Variants in FAAH2 observed in about 807,000 individuals in gnomAD.
The protein encoded by FAAH2 is fatty acid amide hydrolase 2.
FAAH2 carries 60 observed loss-of-function variants against 36.9 expected under a neutral mutation model. The ratio of observed to expected loss-of-function variants is 1.63; its 90% CI spans 1.32 to 2.02. The LOEUF (loss-of-function observed/expected upper bound fraction) is 2.02, where lower values mean the gene tolerates loss of function less well. FAAH2 is among the 30% of genes most tolerant of loss of function. The pLI, the probability that FAAH2 is intolerant of heterozygous loss-of-function variation, is 0.00. For synonymous variants in FAAH2, 214 were observed against 143.8 expected, an observed-to-expected ratio of 1.49 and a Z score of -3.49; for missense variants, 689 against 397.5, an observed-to-expected ratio of 1.73 and a Z score of -6.23.
chrX:57,162,905 G>A, the FAAH2 span, among the ~76,000 whole-genome samples: 1 of 112,914 alleles, frequency 8.9e-6, no homozygotes, highest in Admixed American at 9.3e-5. Context: ...TGCTGGTAAC[G>A]AACTGCGTTC....
In FAAH2 at chrX:57,489,050, G is replaced by A; in HGVS notation, c.*118G>A. 1.4e-6 allele frequency: 1 copy of A among 724,434 alleles called. No homozygotes were observed. Among genetic ancestry groups the A allele is most frequent in the South Asian group, 4.2e-5 (1 of 24,006 alleles). The allele number at this position is 724,434 out of a possible 1,213,427, so 59.7% of individuals were successfully genotyped here. On this transcript the variant is annotated 3_prime_UTR_variant, in exon 11 of 11. Transcript: ENST00000374900. Reference sequence around the variant, plus strand: ...CAGAGAAACAACTGGGGAATTTATTGACTCATTTAGTTATTCTTTCTACTT... The same window carrying A: ...CAGAGAAACAACTGGGGAATTTATTAACTCATTTAGTTATTCTTTCTACTT...
the FAAH2 span, among the ~76,000 whole-genome samples, chrX:57,234,616 A>G: frequency 2.7e-5 from 3 of 111,777 alleles, no homozygotes; most frequent in African/African-American, 9.8e-5. Flanking sequence ...CAGGCATCCA[A>G]TTCTCATAAG....
chrX:57,428,062 T>C (rs777813594), intron 7 of FAAH2, among the ~76,000 whole-genome samples: 1 of 111,782 alleles, frequency 8.9e-6, no homozygotes, highest in Admixed American at 9.5e-5. Context: ...AGTTTCAGGA[T>C]ACAAAATCTA....
the FAAH2 span, among the ~76,000 whole-genome samples, chrX:57,139,554 C>A: frequency 9.0e-6 from 1 of 111,128 alleles, no homozygotes; most frequent in East Asian, 2.8e-4. Flanking sequence ...CCTGGGTTCA[C>A]GCCATTCTCC....
the FAAH2 span, among the ~76,000 whole-genome samples, chrX:57,277,091 C>G: frequency 1.8e-5 from 2 of 110,209 alleles, no homozygotes; most frequent in Non-Finnish European, 3.8e-5. Flanking sequence ...CAGCATCAGC[C>G]TGATACCAAA....
chrX:57,198,997 T>A, the FAAH2 span, among the ~76,000 whole-genome samples: 1 of 111,428 alleles, frequency 9.0e-6, no homozygotes, highest in Admixed American at 9.5e-5. Context: ...TCAAAGGGTC[T>A]GGGAATTCTT....
the FAAH2 span, among the ~76,000 whole-genome samples, chrX:57,212,666 A>G: frequency 8.9e-6 from 1 of 112,654 alleles, no homozygotes; most frequent in East Asian, 2.8e-4. Flanking sequence ...GCATTTAGAA[A>G]ACGAATTTTT....
the FAAH2 span, among the ~76,000 whole-genome samples, chrX:57,175,899 C>T: frequency 3.6e-5 from 4 of 111,777 alleles, no homozygotes; most frequent in African/African-American, 6.5e-5. Flanking sequence ...AGATAGGACC[C>T]CAATTGGTTC....
chrX:57,324,934 A>G (rs944341455), intron 3 of FAAH2, among the ~76,000 whole-genome samples: 8 of 112,037 alleles, frequency 7.1e-5, no homozygotes, highest in East Asian at 5.6e-4. Context: ...CAAAGGGAAT[A>G]CTTCCAGTTT....
At chrX:57,191,466 G>A in the FAAH2 span, among the ~76,000 whole-genome samples, 5 of 109,076 alleles carry the variant, frequency 4.6e-5, no homozygotes, top group Admixed American at 9.7e-5. Context: ...ATTTTTTTTC[G>A]CTGCTGTGCA....
intron 4 of FAAH2, among the ~76,000 whole-genome samples, chrX:57,340,041 C>A (rs1171976152): frequency 9.0e-6 from 1 of 111,456 alleles, no homozygotes; most frequent in African/African-American, 3.3e-5. Context: ...AGCAAGGAAG[C>A]CAGTCTGTGT....
the FAAH2 span, among the ~76,000 whole-genome samples, chrX:57,277,645 A>G: frequency 8.9e-6 from 1 of 112,093 alleles, no homozygotes; most frequent in South Asian, 3.7e-4. Flanking sequence ...CTGTGCTTGC[A>G]GATGATATGA....
At chrX:57,202,048 A>T in the FAAH2 span, among the ~76,000 whole-genome samples, 1 of 101,642 alleles carries the variant, frequency 9.8e-6, no homozygotes, top group Non-Finnish European at 1.9e-5. Flanking sequence ...TCCCTATATT[A>T]TCCTGAATTT....
chrX:57,299,252 C>A (rs1251210610), intron 2 of FAAH2, among the ~76,000 whole-genome samples: 1 of 111,934 alleles, frequency 8.9e-6, no homozygotes, highest in Non-Finnish European at 1.9e-5. Flanking sequence ...AAAAACTTAT[C>A]CACCATGATC....
rs1464123115 is a variant in FAAH2, at chrX:57,439,995, G to T, written c.1117-6933G>T. On this transcript the variant is annotated intron_variant, in intron 8 of 10. Coordinates refer to ENST00000374900, the MANE Select transcript of FAAH2 (RefSeq NM_174912.4). Reference sequence around the variant, plus strand: ...TTGGTACCAGTACCATGCTGTTTTGGTTACTGTAGCCTTGTAGTATAGTTT... The same window carrying T: ...TTGGTACCAGTACCATGCTGTTTTGTTTACTGTAGCCTTGTAGTATAGTTT... 3.6e-5 allele frequency among the ~76,000 whole-genome samples: 4 copies of T among 111,498 alleles called. No individual in the cohort carries two copies. In the East Asian group the frequency reaches 1.1e-3, roughly 31 times the overall value.
Position 57,392,864 on chromosome X carries a change from G to C in FAAH2, c.996+11835G>C. 3 of 757,836 alleles carry C rather than the reference G, an allele frequency of 4.0e-6. No individual in the cohort carries two copies. The South Asian group carries it at 6.2e-5, about 16-fold the overall frequency. The allele number at this position is 757,836 out of a possible 1,213,427, so 62.5% of individuals were successfully genotyped here. On this transcript the variant is annotated intron_variant, in intron 7 of 10. Coordinates refer to ENST00000374900, the MANE Select transcript of FAAH2 (RefSeq NM_174912.4). ...ACAAGTGTGTTTTGGCCATGCAGAT[G>C]GGGAGATTCCCAAAGCCCTGCTTTG...
chrX:57,288,093 G>A (rs755776178), intron 1 of FAAH2, among the ~76,000 whole-genome samples: 60 of 110,299 alleles, frequency 5.4e-4, no homozygotes, highest in African/African-American at 1.8e-3. Context: ...ACTTTTAATG[G>A]CAAAAATCAC....
intron 3 of FAAH2, among the ~76,000 whole-genome samples, chrX:57,330,189 T>A (rs1233758129): frequency 8.9e-6 from 1 of 111,956 alleles, no homozygotes; most frequent in Non-Finnish European, 1.9e-5. Context: ...GTCATATTTC[T>A]CTTCTTTCAA....
the FAAH2 span, among the ~76,000 whole-genome samples, chrX:57,206,441 A>T: frequency 8.9e-6 from 1 of 111,980 alleles, no homozygotes; most frequent in Non-Finnish European, 1.9e-5. Flanking sequence ...TTTGCAAGTG[A>T]TCATAACATT....
Sources: gnomAD v4.1 joint callset for allele counts (sites outside exome capture counted in the v4.1 genomes callset) on GRCh38, gnomAD v4.1.1 for gene constraint, MANE v1.5 for transcripts, NCBI Gene and HGNC (gene_info 2026-07-23, HGNC 2026-07-21) for gene names.